Variants in WWTR1 observed in about 807,000 individuals in gnomAD.
The protein encoded by WWTR1 is WW domain-containing transcription regulator protein 1.
Under a neutral mutation model 40.1 loss-of-function variants are expected in WWTR1, and 13 were observed. The observed-to-expected ratio is 0.32, with a 90% CI of 0.21 to 0.52. The LOEUF is 0.52. Among genes scored for constraint, WWTR1 ranks in the 20% least tolerant of loss-of-function variants. WWTR1 has a pLI of 0.97. For missense variants in WWTR1, 436 were observed against 523.1 expected, an observed-to-expected ratio of 0.83 and a Z score of 1.63; for synonymous variants, 230 against 210.1, an observed-to-expected ratio of 1.09 and a Z score of -0.82.
chr3:149,537,722 C>A (rs1379246760), intron 4 of WWTR1, among the ~76,000 whole-genome samples: 1 of 152,042 alleles, frequency 6.6e-6, no homozygotes, highest in Non-Finnish European at 1.5e-5. Flanking sequence ...TCAGTGCTGC[C>A]CCTTTGGAGT....
intron 1 of WWTR1, among the ~76,000 whole-genome samples, chr3:149,695,561 G>A (rs1714956985): frequency 6.6e-6 from 1 of 151,710 alleles, no homozygotes; most frequent in South Asian, 2.1e-4. Flanking sequence ...AGGAGTTTGA[G>A]ATCAGCCTGG....
Position 149,610,991 on chromosome 3 carries a change from A to AT in WWTR1, c.432-37992dup, listed in dbSNP as rs397691236. Among the ~76,000 whole-genome samples, 259 of 151,220 alleles carry AT rather than the reference A, an allele frequency of 1.7e-3. 3 individuals are homozygous for AT. The highest frequency in any genetic ancestry group is 4.5e-3 in the African/African-American group (185 of 41,062). The stretch of plus-strand genomic sequence containing the variant: ...GACCCCATCTGTACAAAAAAAAAAA[A>AT]TTTTTTTTAAATTAGCTGGGCATGG... On this transcript the variant is annotated intron_variant, in intron 2 of 6. Transcript: ENST00000360632.
intron 2 of WWTR1, among the ~76,000 whole-genome samples, chr3:149,653,121 A>G (rs189382108): frequency 6.6e-6 from 1 of 152,326 alleles, no homozygotes; most frequent in Admixed American, 6.5e-5. Flanking sequence ...TTTTCTTATA[A>G]AATCACGTTA....
At chr3:149,521,547 G>T (rs1279671094) in intron 6 of WWTR1, among the ~76,000 whole-genome samples, 3 of 152,140 alleles carry the variant, frequency 2.0e-5, no homozygotes. Flanking sequence ...TGAGCACAGT[G>T]CATATGAGCA....
chr3:149,634,191 GC>G (rs1048412953), intron 2 of WWTR1, among the ~76,000 whole-genome samples: 1 of 152,200 alleles, frequency 6.6e-6, no homozygotes, highest in African/African-American at 2.4e-5. Flanking sequence ...GGCCCAGACT[GC>G]CCAAGTTTAA....
chr3:149,566,362 C>G (rs1576565278), intron 3 of WWTR1, among the ~76,000 whole-genome samples: 1 of 152,190 alleles, frequency 6.6e-6, no homozygotes, highest in Non-Finnish European at 1.5e-5. Flanking sequence ...CCCAACACTT[C>G]ACTTCCACCA....
At chr3:149,636,019 TA>T (rs1711800006) in intron 2 of WWTR1, among the ~76,000 whole-genome samples, 1 of 152,108 alleles carries the variant, frequency 6.6e-6, no homozygotes, top group South Asian at 2.1e-4. Context: ...AAAGGACAAG[TA>T]AAGAATAAAA....
At chr3:149,564,720 A>C (rs1576563692) in intron 3 of WWTR1, among the ~76,000 whole-genome samples, 2 of 152,304 alleles carry the variant, frequency 1.3e-5, no homozygotes. Context: ...TCCTGTCCTC[A>C]AGAAGCTTAG....
At chr3:149,706,426 C>T (rs1317054202), upstream of WWTR1, among the ~76,000 whole-genome samples, 1 of 152,066 alleles carries the variant, frequency 6.6e-6, no homozygotes, top group African/African-American at 2.4e-5. Context: ...TCAAGAGATT[C>T]TCCTGCCTCA....
At chr3:149,684,752 CG>C (rs1317198729) in intron 1 of WWTR1, among the ~76,000 whole-genome samples, 2 of 152,056 alleles carry the variant, frequency 1.3e-5, no homozygotes, top group African/African-American at 4.8e-5. Flanking sequence ...TTTGTAGAGA[CG>C]GGGTTTCACC....
In WWTR1 at chr3:149,527,930, T is replaced by C; in HGVS notation, c.811A>G (p.Thr271Ala). The change falls in exon 5 of 7, where the codon ACT becomes GCT. Residue 271 changes from threonine to alanine, a missense_variant. By Grantham distance (58) the Thr-to-Ala change is moderately conservative. Coordinates refer to ENST00000360632, the MANE Select transcript of WWTR1 (RefSeq NM_015472.6). ...LCRQLPMEAE[T>A]LAPVQAAVNP... ...ACAGCAGCCTGAACTGGGGCAAGAG[T>C]CTCAGCTTCCATGGGGAGCTGTCGA... 1 of 1,613,608 alleles carries C rather than the reference T, an allele frequency of 6.2e-7. No individual in the cohort carries two copies. The highest frequency in any genetic ancestry group is 8.5e-7 in the Non-Finnish European group (1 of 1,179,874).
chr3:149,665,224 TTTC>T (rs1191898770), intron 2 of WWTR1, among the ~76,000 whole-genome samples: 2 of 95,684 alleles, frequency 2.1e-5, no homozygotes, highest in African/African-American at 4.4e-5. Flanking sequence ...ATTTCCTTTC[TTTC>T]TTTTTTTTTT....
intron 4 of WWTR1, among the ~76,000 whole-genome samples, chr3:149,538,974 G>GA (rs1263577559): frequency 1.3e-5 from 2 of 151,814 alleles, no homozygotes; most frequent in African/African-American, 4.8e-5. Context: ...ATGAAGGAAG[G>GA]AAAAAAAATA....
chr3:149,542,278 C>T, intron 4 of WWTR1, 57 bp downstream of exon 4: 1 of 1,566,070 alleles, frequency 6.4e-7, no homozygotes, highest in Non-Finnish European at 8.7e-7. Context: ...GCTACCTACC[C>T]ATCAGCTTTG....
At chr3:149,720,295 G>A (rs57841973) in intron 4 of WWTR1, among the ~76,000 whole-genome samples, 56,873 of 151,888 alleles carry the variant, frequency 0.37, 11,241 homozygotes, top group African/African-American at 0.5. Flanking sequence ...TAAATTATGC[G>A]TATGGTATTA....
chr3:149,604,786 C>A (rs1489689807), intron 2 of WWTR1, among the ~76,000 whole-genome samples: 1 of 152,244 alleles, frequency 6.6e-6, no homozygotes, highest in Non-Finnish European at 1.5e-5. Flanking sequence ...AGATCAGACA[C>A]ACTGGCAGGC....
intron 2 of WWTR1, among the ~76,000 whole-genome samples, chr3:149,573,972 T>A (rs1737765730): frequency 6.6e-6 from 1 of 152,072 alleles, no homozygotes; most frequent in Non-Finnish European, 1.5e-5. Context: ...AGTAGATTCA[T>A]CCCGTTCCTC....
chr3:149,522,756 G>A (rs1735116626), intron 6 of WWTR1, among the ~76,000 whole-genome samples: 1 of 152,024 alleles, frequency 6.6e-6, no homozygotes, highest in Non-Finnish European at 1.5e-5. Context: ...GAATTCCTAG[G>A]CCGGGTGTGG....
chr3:149,717,367 A>G (rs1340938917), intron 5 of WWTR1: 3 of 152,254 alleles, frequency 2.0e-5, no homozygotes, highest in Non-Finnish European at 2.9e-5. Flanking sequence ...AATGGTCTAC[A>G]AAGACTATTT....
Sources: gnomAD v4.1 joint callset for allele counts (sites outside exome capture counted in the v4.1 genomes callset) on GRCh38, gnomAD v4.1.1 for gene constraint, MANE v1.5 for transcripts, NCBI Gene and HGNC (gene_info 2026-07-23, HGNC 2026-07-21) for gene names.